Variants in OSBPL10 observed in about 807,000 individuals in gnomAD.
OSBPL10 encodes oxysterol-binding protein-related protein 10.
OSBPL10 carries 49 observed loss-of-function variants against 81.7 expected under a neutral mutation model. The ratio of observed to expected loss-of-function variants is 0.60; its 90% CI spans 0.48 to 0.76. The LOEUF (loss-of-function observed/expected upper bound fraction) is 0.76, where lower values mean the gene tolerates loss of function less well. Among genes scored for constraint, OSBPL10 ranks in the 30% least tolerant of loss-of-function variants. The pLI is 0.00. For synonymous variants in OSBPL10, 419 were observed against 383.6 expected (o/e 1.09, Z -1.08); for missense variants, 923 against 987.8 (o/e 0.93, Z 0.88).
At chr3:31,883,425 A>T (rs1287237310) in intron 1 of OSBPL10, among the ~76,000 whole-genome samples, 3 of 151,786 alleles carry the variant, frequency 2.0e-5, no homozygotes. Context: ...TTTTTAGTAG[A>T]GATGGGGTTT....
intron 6 of OSBPL10, among the ~76,000 whole-genome samples, chr3:31,717,627 G>A (rs1268243281): frequency 6.6e-6 from 1 of 152,130 alleles, no homozygotes; most frequent in Non-Finnish European, 1.5e-5. Context: ...GGTCCAAACA[G>A]CAGGCATTTT....
intron 4 of OSBPL10, among the ~76,000 whole-genome samples, chr3:31,749,409 C>A (rs1004254876): frequency 1.3e-5 from 2 of 152,186 alleles, no homozygotes; most frequent in Admixed American, 1.3e-4. Context: ...TCTGGCCATG[C>A]AAATTGTTTT....
At chr3:31,827,270 A>T (rs2125521426) in intron 4 of OSBPL10, among the ~76,000 whole-genome samples, 1 of 152,168 alleles carries the variant, frequency 6.6e-6, no homozygotes, top group Admixed American at 6.5e-5. Flanking sequence ...AGCTTTCCCC[A>T]ACAGATAGAC....
At chr3:32,018,562 C>T (rs1343658874) in intron 2 of OSBPL10, among the ~76,000 whole-genome samples, 3 of 152,082 alleles carry the variant, frequency 2.0e-5, no homozygotes, top group Admixed American at 1.3e-4. Context: ...ATGCAAGACA[C>T]GGGTGAGGTC....
intron 5 of OSBPL10, among the ~76,000 whole-genome samples, chr3:31,734,015 A>AG (rs1439043996): frequency 6.7e-6 from 1 of 148,386 alleles, no homozygotes; most frequent in Admixed American, 6.6e-5. Flanking sequence ...GTCTCAAAAA[A>AG]GAAAAAAAAA....
intron 8 of OSBPL10, among the ~76,000 whole-genome samples, chr3:31,674,561 AATAG>A (rs1324851935): frequency 2.6e-5 from 4 of 151,086 alleles, no homozygotes; most frequent in African/African-American, 9.7e-5. Context: ...CCCTGTCTCA[AATAG>A]ATAGACAGAT....
chr3:31,808,261 G>A (rs1044809720), intron 4 of OSBPL10, among the ~76,000 whole-genome samples: 7 of 152,160 alleles, frequency 4.6e-5, no homozygotes, highest in Non-Finnish European at 7.4e-5. Context: ...CGAGGCAAGC[G>A]CAGGCATTTC....
intron 6 of OSBPL10, among the ~76,000 whole-genome samples, chr3:31,723,803 A>G (rs1325508332): frequency 6.6e-6 from 1 of 152,228 alleles, no homozygotes; most frequent in Non-Finnish European, 1.5e-5. Flanking sequence ...CTCCAAGATC[A>G]TAAATCTCTG....
intron 6 of OSBPL10, among the ~76,000 whole-genome samples, chr3:31,731,014 T>G (rs931882217): frequency 2.0e-5 from 3 of 152,226 alleles, no homozygotes; most frequent in African/African-American, 7.2e-5. Flanking sequence ...TCATTCTATA[T>G]AGAAGTTATT....
intron 4 of OSBPL10, among the ~76,000 whole-genome samples, chr3:31,813,861 G>A (rs1347864045): frequency 6.6e-6 from 1 of 152,010 alleles, no homozygotes; most frequent in Admixed American, 6.5e-5. Context: ...CAACATGTTG[G>A]CATTCCATAA....
intron 1 of OSBPL10, among the ~76,000 whole-genome samples, chr3:32,050,471 T>A (rs1352242989): frequency 1.3e-5 from 2 of 152,168 alleles, no homozygotes; most frequent in East Asian, 3.9e-4. Context: ...CTGAGCTACC[T>A]TTGGTGTTTC....
intron 7 of OSBPL10, 64 bp from the exon 8 acceptor site, chr3:31,684,178 G>A (rs2125548957): frequency 6.4e-7 from 1 of 1,571,378 alleles, no homozygotes; most frequent in Non-Finnish European, 8.6e-7. Flanking sequence ...TGAAAAGAAA[G>A]GTAAAGGCTG....
intron 2 of OSBPL10, among the ~76,000 whole-genome samples, chr3:32,024,702 C>A (rs1699388591): frequency 6.6e-6 from 1 of 152,018 alleles, no homozygotes; most frequent in Non-Finnish European, 1.5e-5. Context: ...CCAGGCTGGT[C>A]TAGAACTCCT....
intron 6 of OSBPL10, among the ~76,000 whole-genome samples, chr3:31,723,571 C>CACACACA (rs376763435): frequency 2.0e-5 from 3 of 151,120 alleles, no homozygotes; most frequent in Admixed American, 1.3e-4. Flanking sequence ...CACACACACA[C>CACACACA]CCCTTTCCCT....
chr3:31,746,063 A>G (rs1559445788), intron 5 of OSBPL10, among the ~76,000 whole-genome samples: 1 of 152,230 alleles, frequency 6.6e-6, no homozygotes, highest in Non-Finnish European at 1.5e-5. Flanking sequence ...TATATGTGAC[A>G]TAACCAGTCT....
chr3:31,749,175 C>G (rs149705796), intron 4 of OSBPL10, among the ~76,000 whole-genome samples: 177 of 152,318 alleles, frequency 1.2e-3, no homozygotes, highest in African/African-American at 3.8e-3. Context: ...GGATCCTTGT[C>G]ACCATGATGT....
At chr3:31,724,036 C>A (rs1696736919) in intron 6 of OSBPL10, among the ~76,000 whole-genome samples, 1 of 152,158 alleles carries the variant, frequency 6.6e-6, no homozygotes, top group African/African-American at 2.4e-5. Context: ...ATACCCCAAA[C>A]AACAGAATAC....
At chr3:31,968,608 C>T (rs545649534) in intron 1 of OSBPL10, among the ~76,000 whole-genome samples, 1 of 151,856 alleles carries the variant, frequency 6.6e-6, no homozygotes, top group Admixed American at 6.6e-5. Flanking sequence ...CTGAAGCATA[C>T]CTTTACGTTC....
intron 1 of OSBPL10, among the ~76,000 whole-genome samples, chr3:31,945,392 A>G (rs1408812028): frequency 3.3e-5 from 5 of 152,138 alleles, no homozygotes; most frequent in African/African-American, 9.7e-5. Flanking sequence ...AAGCCTCAAA[A>G]CAAAAGTCAG....
Sources: allele counts gnomAD v4.1 joint callset (sites outside exome capture counted in the v4.1 genomes callset), GRCh38; gene constraint gnomAD v4.1.1; transcripts MANE v1.5; gene names NCBI Gene and HGNC (gene_info 2026-07-23, HGNC 2026-07-21).